The following WASF2 variants were observed in gnomAD, a reference collection of about 807,000 sequenced individuals.
WASF2 encodes the protein actin-binding protein WASF2.
WASF2 carries 14 observed loss-of-function variants against 45.0 expected under a neutral mutation model. The observed-to-expected ratio is 0.31, with a 90% CI of 0.21 to 0.49. The LOEUF (loss-of-function observed/expected upper bound fraction) is 0.49. Ranked by LOEUF, WASF2 falls within the 20% of genes least tolerant of loss-of-function variation. The pLI is 0.99. For synonymous variants in WASF2, 200 were observed against 236.3 expected (o/e 0.85, Z 1.41); for missense variants, 439 against 636.1 (o/e 0.69, Z 3.33).
At chr1:27,469,531 G>A (rs1387419101) in intron 1 of WASF2, among the ~76,000 whole-genome samples, 1 of 152,150 alleles carries the variant, frequency 6.6e-6, no homozygotes, top group East Asian at 1.9e-4. Flanking sequence ...TAACTATTGA[G>A]CACAAAGGCG....
At chr1:27,479,720 C>T (rs1198626638) in intron 1 of WASF2, among the ~76,000 whole-genome samples, 2 of 152,136 alleles carry the variant, frequency 1.3e-5, no homozygotes, top group Non-Finnish European at 2.9e-5. Flanking sequence ...CAAAAATTAG[C>T]TGGGTGTGGT....
chr1:27,488,316 A>G (rs2017974211), intron 1 of WASF2, among the ~76,000 whole-genome samples: 2 of 152,108 alleles, frequency 1.3e-5, no homozygotes, highest in Admixed American at 1.3e-4. Context: ...CACAATCTTC[A>G]CTCATTAGAA....
Position 27,406,655 on chromosome 1 carries a change from A to C in WASF2, c.*1534T>G, listed in dbSNP as rs2016680504. 6.6e-6 allele frequency: 1 copy of C among 150,932 alleles called. No individual in the cohort carries two copies. Among genetic ancestry groups the C allele is most frequent in the Non-Finnish European group, 1.5e-5 (1 of 67,520 alleles). 9.3% of individuals were successfully genotyped at this position (150,932 alleles called of 1,614,324 possible). On this transcript the variant is annotated 3_prime_UTR_variant, in exon 9 of 9. Coordinates refer to ENST00000618852, the MANE Select transcript of WASF2 (RefSeq NM_006990.5). Reference sequence around the variant, plus strand: ...GAAACCTCACTGTTGGCTAGAGCTGACCAGTTTTTTTCTGAATAATAGCAC... The same window carrying C: ...GAAACCTCACTGTTGGCTAGAGCTGCCCAGTTTTTTTCTGAATAATAGCAC...
intron 1 of WASF2, among the ~76,000 whole-genome samples, chr1:27,482,904 TAACA>T (rs1337242331): frequency 1.3e-5 from 2 of 152,106 alleles, no homozygotes; most frequent in Non-Finnish European, 2.9e-5. Context: ...AGGATAAAAG[TAACA>T]ATATCTGGAG....
chr1:27,475,531 G>A (rs570021695), intron 1 of WASF2, among the ~76,000 whole-genome samples: 2 of 152,078 alleles, frequency 1.3e-5, no homozygotes, highest in Non-Finnish European at 2.9e-5. Context: ...AGCCTTTCCT[G>A]ACCATCCTTA....
intron 5 of WASF2, among the ~76,000 whole-genome samples, chr1:27,415,183 C>T (rs1274199457): frequency 6.6e-6 from 1 of 152,208 alleles, no homozygotes; most frequent in Non-Finnish European, 1.5e-5. Context: ...ACTCAAATGC[C>T]TCCAGCAACG....
chr1:27,433,004 C>A (rs1219528258), intron 1 of WASF2, among the ~76,000 whole-genome samples: 3 of 152,218 alleles, frequency 2.0e-5, no homozygotes, highest in Non-Finnish European at 4.4e-5. Flanking sequence ...CTCAAGCAAT[C>A]TTCCCACCTT....
At chr1:27,477,126 T>C (rs920459640) in intron 1 of WASF2, among the ~76,000 whole-genome samples, 36 of 152,248 alleles carry the variant, frequency 2.4e-4, no homozygotes, top group African/African-American at 8.2e-4. Context: ...GTACCTAGAA[T>C]AGAATGTGTA....
At chr1:27,435,887 A>G (rs2017130805) in intron 1 of WASF2, among the ~76,000 whole-genome samples, 1 of 152,254 alleles carries the variant, frequency 6.6e-6, no homozygotes, top group Admixed American at 6.5e-5. Context: ...GGTCACATCC[A>G]AAAAGCAAAC....
chr1:27,421,397 G>A (rs967262552), intron 2 of WASF2, among the ~76,000 whole-genome samples: 1 of 152,314 alleles, frequency 6.6e-6, no homozygotes, highest in Admixed American at 6.5e-5. Context: ...ATAAAAGAAG[G>A]CTAGGCATGG....
intron 1 of WASF2, among the ~76,000 whole-genome samples, chr1:27,486,422 T>C (rs2017924336): frequency 6.6e-6 from 1 of 152,194 alleles, no homozygotes; most frequent in African/African-American, 2.4e-5. Flanking sequence ...TATAACATAT[T>C]GGGAATGAAT....
At position 27,459,970 on chromosome 1, in the gene WASF2, T is replaced by C. The variant is rs911975137; in HGVS notation, c.-44+30016A>G. Among the ~76,000 whole-genome samples, 9 of 152,344 alleles carry C rather than the reference T, an allele frequency of 5.9e-5. No homozygotes were observed. The East Asian group carries it at 1.3e-3, about 23-fold the overall frequency. ...CTAATTGGACGCAGCTTCAGAACAG[T>C]GTTACTGCAAATAAGTATAACAGAT... On this transcript the variant is annotated intron_variant, in intron 1 of 8. Coordinates refer to ENST00000618852, the MANE Select transcript of WASF2 (RefSeq NM_006990.5).
At chr1:27,425,656 G>C (rs1345579575) in intron 2 of WASF2, among the ~76,000 whole-genome samples, 1 of 152,078 alleles carries the variant, frequency 6.6e-6, no homozygotes. Flanking sequence ...GGCTAACACG[G>C]TGAAATCCTG....
rs1215152032 is a variant in WASF2, at chr1:27,405,597, G to A, written c.*2592C>T. The A allele has an allele frequency of 8.7e-6, 1 of 115,038 alleles. No individual in the cohort carries two copies. The highest frequency in any genetic ancestry group is 1.6e-5 in the Non-Finnish European group (1 of 60,854). 7.1% of individuals were successfully genotyped at this position (115,038 alleles called of 1,614,324 possible). ...CTTAAAGGGCTCTGGGTCTAAAGAA[G>A]CCTTTTTTTTTTTTTTTTTTTTTTT... On this transcript the variant is annotated 3_prime_UTR_variant, in exon 9 of 9. Coordinates refer to ENST00000618852, the MANE Select transcript of WASF2 (RefSeq NM_006990.5).
At chr1:27,438,782 T>C (rs2017170772) in intron 1 of WASF2, among the ~76,000 whole-genome samples, 1 of 152,154 alleles carries the variant, frequency 6.6e-6, no homozygotes, top group Non-Finnish European at 1.5e-5. Context: ...TGGAGCAAAT[T>C]GCCATGCAAT....
chr1:27,424,427 G>A (rs551131371), intron 2 of WASF2, among the ~76,000 whole-genome samples: 22 of 152,202 alleles, frequency 1.4e-4, no homozygotes, highest in Non-Finnish European at 2.6e-4. Context: ...ATATATAGGC[G>A]TGAATTATTC....
chr1:27,489,211 G>A (rs1571174223), intron 1 of WASF2, among the ~76,000 whole-genome samples: 1 of 151,198 alleles, frequency 6.6e-6, no homozygotes, highest in Middle Eastern at 3.4e-3. Flanking sequence ...AGCCCCTTTA[G>A]ACAACTCTCC....
At chr1:27,454,556 T>A (rs1396991366) in intron 1 of WASF2, among the ~76,000 whole-genome samples, 1 of 152,204 alleles carries the variant, frequency 6.6e-6, no homozygotes, top group African/African-American at 2.4e-5. Flanking sequence ...CAGGGTGGTC[T>A]CGAACTACTG....
At chr1:27,464,604 C>T (rs1267662729) in intron 1 of WASF2, among the ~76,000 whole-genome samples, 1 of 152,170 alleles carries the variant, frequency 6.6e-6, no homozygotes. Context: ...CCCTCATACA[C>T]CTGGGTCCTC....
Sources: allele counts gnomAD v4.1 joint callset (sites outside exome capture counted in the v4.1 genomes callset), GRCh38; gene constraint gnomAD v4.1.1; transcripts MANE v1.5; gene names NCBI Gene and HGNC (gene_info 2026-07-23, HGNC 2026-07-21).